Variants in PKNOX2 observed in about 807,000 individuals in gnomAD.
The protein encoded by PKNOX2 is homeobox protein PKNOX2.
A neutral mutation model predicts 53.1 loss-of-function variants in PKNOX2; 14 were observed. The ratio of observed to expected loss-of-function variants is 0.26; its 90% CI spans 0.17 to 0.41. PKNOX2 has a LOEUF of 0.41. PKNOX2 is among the 10% of genes least tolerant of loss of function. PKNOX2 has a pLI of 1.00. For missense variants in PKNOX2, 496 were observed against 602.8 expected (o/e 0.82, Z 1.85); for synonymous variants, 257 against 242.8 (o/e 1.06, Z -0.54).
chr11:125,311,907 A>G (rs1948830546), intron 2 of PKNOX2, among the ~76,000 whole-genome samples: 1 of 152,158 alleles, frequency 6.6e-6, no homozygotes. Context: ...TAGAATCAAA[A>G]CATCTGAATT....
In PKNOX2 at chr11:125,186,271, C is replaced by T. The variant is rs567148918; in HGVS notation, c.-201+21495C>T. 2.8e-4 allele frequency among the ~76,000 whole-genome samples: 43 copies of T among 152,202 alleles called. 1 individual carries two copies. Among genetic ancestry groups the T allele is most frequent in the Middle Eastern group, 3.4e-3 (1 of 294 alleles). ...TTTTTGTTGTTGAATTGTAGGACTT[C>T]GTTATATATTCTGGATATTAAACCC... On this transcript the variant is annotated intron_variant, in intron 1 of 12. Coordinates refer to ENST00000298282, the MANE Select transcript of PKNOX2 (RefSeq NM_001382323.2).
At chr11:125,236,562 C>T (rs1003201686) in intron 2 of PKNOX2, among the ~76,000 whole-genome samples, 1 of 152,170 alleles carries the variant, frequency 6.6e-6, no homozygotes. Context: ...CCCCCCGATC[C>T]CTGAGGGCAG....
Position 125,229,104 on chromosome 11 carries a change from C to T in PKNOX2, c.-200-5941C>T, listed in dbSNP as rs575599001. ...GACACTTGGTGGGTCCATGTGGGAG[C>T]GGTGTTGGCATTTCCTGGCCCTCCT... On this transcript the variant is annotated intron_variant, in intron 1 of 12. Coordinates refer to ENST00000298282, the MANE Select transcript of PKNOX2 (RefSeq NM_001382323.2). 4.3e-4 allele frequency among the ~76,000 whole-genome samples: 65 copies of T among 152,240 alleles called. 1 individual carries two copies. In the South Asian group the frequency reaches 9.1e-3, roughly 21 times the overall value.
intron 10 of PKNOX2, among the ~76,000 whole-genome samples, chr11:125,419,905 G>A (rs948272914): frequency 4.0e-5 from 6 of 149,660 alleles, no homozygotes; most frequent in Admixed American, 1.3e-4. Flanking sequence ...AAAAAAGGCC[G>A]AGTGCAGTGG....
intron 2 of PKNOX2, among the ~76,000 whole-genome samples, chr11:125,291,250 A>C (rs1227365497): frequency 1.3e-5 from 2 of 152,208 alleles, no homozygotes; most frequent in Non-Finnish European, 2.9e-5. Context: ...CCCATGCTGC[A>C]GGTATACAAC....
At chr11:125,425,645 C>T (rs1394356567) in intron 10 of PKNOX2, among the ~76,000 whole-genome samples, 4 of 152,250 alleles carry the variant, frequency 2.6e-5, no homozygotes, top group Non-Finnish European at 2.9e-5. Flanking sequence ...TGATGGTTTG[C>T]GTGATCTCAT....
intron 2 of PKNOX2, among the ~76,000 whole-genome samples, chr11:125,255,637 T>C (rs768121598): frequency 5.4e-4 from 82 of 151,838 alleles, no homozygotes; most frequent in Non-Finnish European, 9.0e-4. Flanking sequence ...ATAAACCAGA[T>C]ATTTTCAGAA....
intron 2 of PKNOX2, among the ~76,000 whole-genome samples, chr11:125,312,229 T>A (rs12806854): frequency 6.6e-6 from 1 of 152,134 alleles, no homozygotes; most frequent in Non-Finnish European, 1.5e-5. Flanking sequence ...ATGTTCAGTA[T>A]GATCGGGTCC....
chr11:125,300,108 G>C (rs1479267852), intron 2 of PKNOX2, among the ~76,000 whole-genome samples: 1 of 152,254 alleles, frequency 6.6e-6, no homozygotes, highest in African/African-American at 2.4e-5. Context: ...CGTGTGAGCG[G>C]TTGGAGAGGG....
chr11:125,361,003 C>A (rs186102454), intron 4 of PKNOX2, among the ~76,000 whole-genome samples: 18 of 152,280 alleles, frequency 1.2e-4, no homozygotes, highest in Non-Finnish European at 2.2e-4. Flanking sequence ...GGCTGGACAC[C>A]CAAATCCCCC....
chr11:125,328,509 AG>A (rs72125699), intron 2 of PKNOX2, among the ~76,000 whole-genome samples: 11,210 of 152,102 alleles, frequency 0.074, 635 homozygotes, highest in African/African-American at 0.16. Context: ...GTACCTTCCC[AG>A]GTACAGGGCA....
intron 10 of PKNOX2, among the ~76,000 whole-genome samples, chr11:125,420,395 A>G (rs1383663917): frequency 3.7e-4 from 55 of 150,450 alleles, no homozygotes; most frequent in African/African-American, 1.3e-3. Context: ...GGGTGGTGGC[A>G]GGCACCTATA....
chr11:125,228,961 G>T (rs543643478), intron 1 of PKNOX2, among the ~76,000 whole-genome samples: 33 of 152,298 alleles, frequency 2.2e-4, no homozygotes, highest in Middle Eastern at 3.4e-3. Context: ...TGTCCACAAT[G>T]AAGGGAAGCC....
At chr11:125,168,488 C>T (rs1163443602) in intron 1 of PKNOX2, among the ~76,000 whole-genome samples, 2 of 152,212 alleles carry the variant, frequency 1.3e-5, no homozygotes, top group Non-Finnish European at 1.5e-5. Context: ...GAATTACTGT[C>T]TTGTGAGTGG....
At chr11:125,345,924 A>C (rs1278113922) in intron 3 of PKNOX2, among the ~76,000 whole-genome samples, 1 of 152,132 alleles carries the variant, frequency 6.6e-6, no homozygotes, top group African/African-American at 2.4e-5. Flanking sequence ...GGGCCCTGCG[A>C]CGCCACCTAC....
chr11:125,329,656 G>A (rs1433931649), intron 2 of PKNOX2, among the ~76,000 whole-genome samples: 1 of 152,238 alleles, frequency 6.6e-6, no homozygotes, highest in Non-Finnish European at 1.5e-5. Flanking sequence ...ACTTCTGGCT[G>A]TGGAGGTAGC....
chr11:125,243,252 C>A (rs969556987), intron 2 of PKNOX2, among the ~76,000 whole-genome samples: 2 of 152,210 alleles, frequency 1.3e-5, no homozygotes, highest in African/African-American at 4.8e-5. Context: ...GTTATAGGAA[C>A]TGGTTCTAGA....
At chr11:125,399,588 G>A (rs935122366) in intron 7 of PKNOX2, among the ~76,000 whole-genome samples, 4 of 152,228 alleles carry the variant, frequency 2.6e-5, no homozygotes, top group Admixed American at 6.5e-5. Context: ...CCATCCTGTG[G>A]CTATTGTGAA....
Position 125,165,336 on chromosome 11 carries a change from C to G in PKNOX2, c.-201+560C>G, listed in dbSNP as rs1396329682. On this transcript the variant is annotated intron_variant, in intron 1 of 12. Transcript: ENST00000298282. The surrounding 1 kb of genome is among the most constrained non-coding windows in gnomAD (Gnocchi z 4.5). ...AGGAACAGGCACGCCGGCCCGAGCC[C>G]GGGTGCAGAAGGCTCCCGGCCGGGC... is the stretch of plus-strand genomic sequence containing the variant. Among the ~76,000 whole-genome samples, 6 of 152,022 alleles carry G rather than the reference C, an allele frequency of 3.9e-5. No individual in the cohort carries two copies.
Sources: allele counts gnomAD v4.1 joint callset (sites outside exome capture counted in the v4.1 genomes callset), GRCh38; gene constraint gnomAD v4.1.1; non-coding constraint Gnocchi (gnomAD v3.1); transcripts MANE v1.5; gene names NCBI Gene and HGNC (gene_info 2026-07-23, HGNC 2026-07-21).